The following RLF variants were observed in gnomAD, a reference collection of about 807,000 sequenced individuals.
RLF encodes the protein zinc finger protein Rlf.
A neutral mutation model predicts 162.9 loss-of-function variants in RLF; 7 were observed. That is an observed-to-expected ratio of 0.04 (90% CI 0.02 to 0.08). RLF has a LOEUF of 0.08. Ranked by LOEUF, RLF falls within the 10% of genes least tolerant of loss-of-function variation. The pLI is 1.00. For synonymous variants in RLF, 782 were observed against 791.5 expected (o/e 0.99, Z 0.20); for missense variants, 1,664 against 2,244.7 (o/e 0.74, Z 5.23).
At chr1:40,201,795 G>A (rs1056957373) in intron 4 of RLF, among the ~76,000 whole-genome samples, 1 of 152,046 alleles carries the variant, frequency 6.6e-6, no homozygotes, top group African/African-American at 2.4e-5. Context: ...TGTTTTACAG[G>A]TTACTAATAT....
chr1:40,219,232 A>AT lies in RLF; in HGVS notation c.811-3341dup, dbSNP rs549783355. Among the ~76,000 whole-genome samples, 177 of 152,278 alleles carry AT rather than the reference A, an allele frequency of 1.2e-3. 3 individuals carry two copies. The highest frequency in any genetic ancestry group is 4.1e-3 in the African/African-American group (171 of 41,562). The stretch of plus-strand genomic sequence containing the variant: ...ATTTATTTACTTTTATTTCTTTATC[A>AT]TATCTTTTCCTCTATATTCAAGAAG... On this transcript the variant is annotated intron_variant, in intron 5 of 7. Transcript: ENST00000372771.
At chr1:40,197,745 G>T (rs1214415383) in intron 4 of RLF, among the ~76,000 whole-genome samples, 1 of 152,188 alleles carries the variant, frequency 6.6e-6, no homozygotes, top group Admixed American at 6.5e-5. Flanking sequence ...TTATGTTGAG[G>T]ACCACAGTAT....
chr1:40,238,972 T>C lies in RLF; in HGVS notation c.4270T>C (p.Leu1424=), dbSNP rs569380533. Residue 1424 remains leucine (L), a synonymous_variant, in exon 8 of 8, where the codon TTG becomes CTG. Coordinates refer to ENST00000372771, the MANE Select transcript of RLF (RefSeq NM_012421.4). The surrounding 1 kb of genome is among the most constrained non-coding windows in gnomAD (Gnocchi z 5.2). ...TGCTGTTTTTTATACATTCAACAAG[T>C]TGAAGCACCACTTGATGGAACAGCA... ...CPAVFYTFNK[L]KHHLMEQHNI... 20 of 1,614,182 alleles carry C rather than the reference T, an allele frequency of 1.2e-5. 1 individual carries two copies. The South Asian group carries it at 2.0e-4, about 16-fold the overall frequency.
Position 40,238,536 on chromosome 1 carries a change from T to C in RLF, c.3834T>C (p.His1278=), listed in dbSNP as rs756647100. The change falls in exon 8 of 8, where the codon CAT becomes CAC. Residue 1278 remains histidine, a synonymous_variant. Transcript: ENST00000372771. The surrounding 1 kb of genome is among the most constrained non-coding windows in gnomAD (Gnocchi z 5.2). The part of the protein sequence containing the change: ...TSDISSPIGS[H]REEQEGREGR... ...ACATTTCATCACCAATAGGCAGCCA[T>C]AGAGAAGAACAAGAAGGAAGAGAGG... is the stretch of plus-strand genomic sequence containing the variant. 1 of 1,613,792 alleles carries C rather than the reference T, an allele frequency of 6.2e-7. No homozygotes were observed. The highest frequency in any genetic ancestry group is 2.2e-5 in the East Asian group (1 of 44,880).
chr1:40,237,559 A>C lies in RLF; in HGVS notation c.2857A>C (p.Lys953Gln). ...SSMAVCFDGT[K>Q]FTCGFDGCGS... is the part of the protein sequence containing the mutation. ...TATGGCAGTTTGTTTTGACGGGACTAAGTTTACCTGTGGTTTTGATGGCTG... is the reference window on the plus strand; with the variant it reads ...TATGGCAGTTTGTTTTGACGGGACTCAGTTTACCTGTGGTTTTGATGGCTG... Residue 953 changes from lysine to glutamine, a missense_variant, in exon 8 of 8, where the codon AAG (lysine) becomes CAG (glutamine). Physicochemically the swap from Lys to Gln is moderately conservative, Grantham distance 53 (BLOSUM62 1). This residue lies in a region of RLF where 295 missense variants were observed against 317.4 expected (regional missense o/e 0.93). Transcript: ENST00000372771. This position sits in a 1 kb window ranked among gnomAD's most constrained non-coding sequence, Gnocchi z 4.4. 6.2e-7 allele frequency: 1 copy of C among 1,614,156 alleles called. No homozygotes were observed. The highest frequency in any genetic ancestry group is 2.2e-5 in the East Asian group (1 of 44,876).
chr1:40,230,274 G>T (rs1643136273), intron 6 of RLF, among the ~76,000 whole-genome samples: 1 of 152,186 alleles, frequency 6.6e-6, no homozygotes, highest in Non-Finnish European at 1.5e-5. Context: ...GAGACAGTCT[G>T]TGTTAATAGC....
chr1:40,212,730 A>G (rs74387579), intron 5 of RLF, among the ~76,000 whole-genome samples: 1 of 152,096 alleles, frequency 6.6e-6, no homozygotes. Context: ...TCTTTTCCTG[A>G]TGGGGAAAGG....
intron 5 of RLF, among the ~76,000 whole-genome samples, chr1:40,215,271 G>A (rs775499888): frequency 4.6e-5 from 7 of 152,156 alleles, no homozygotes; most frequent in Non-Finnish European, 1.0e-4. Flanking sequence ...AAACAATACT[G>A]TAAACCAACT....
At chr1:40,235,751 G>A (rs1412192066) in intron 7 of RLF, 41 bp from the exon 8 acceptor site, 2 of 1,402,148 alleles carry the variant, frequency 1.4e-6, no homozygotes, top group Non-Finnish European at 1.9e-6. Context: ...TAATCTTTCT[G>A]TATGCAAAAA....
At chr1:40,225,589 A>G (rs1382414418) in intron 6 of RLF, among the ~76,000 whole-genome samples, 1 of 148,830 alleles carries the variant, frequency 6.7e-6, no homozygotes, top group Admixed American at 6.7e-5. Context: ...AAAAAAAAAA[A>G]AAAAAAGCCG....
intron 6 of RLF, among the ~76,000 whole-genome samples, chr1:40,228,815 G>A (rs941616988): frequency 6.6e-6 from 1 of 152,058 alleles, no homozygotes; most frequent in African/African-American, 2.4e-5. Flanking sequence ...TTATTTGAGA[G>A]AAGATATTAC....
chr1:40,235,395 T>C (rs1643204613), intron 7 of RLF, among the ~76,000 whole-genome samples: 1 of 152,204 alleles, frequency 6.6e-6, no homozygotes, highest in African/African-American at 2.4e-5. Context: ...GACTCACATC[T>C]ATACCTGTGT....
At chr1:40,231,806 C>G (rs1036610754) in intron 7 of RLF, 148 bp downstream of exon 7, 79 of 667,918 alleles carry the variant, frequency 1.2e-4, no homozygotes, top group Admixed American at 3.9e-4. Context: ...GACTGTTTCT[C>G]CAGATTGACT....
intron 1 of RLF, among the ~76,000 whole-genome samples, chr1:40,185,546 C>T (rs1365731059): frequency 2.8e-5 from 2 of 71,320 alleles, no homozygotes; most frequent in South Asian, 6.1e-4. Flanking sequence ...AAAAAAAAGC[C>T]GGGCGCAGTG....
At chr1:40,210,856 T>C (rs954608974) in intron 5 of RLF, among the ~76,000 whole-genome samples, 1 of 152,178 alleles carries the variant, frequency 6.6e-6, no homozygotes, top group Admixed American at 6.5e-5. Flanking sequence ...TCTGGGAAGA[T>C]GATAAGCTTT....
At chr1:40,204,558 C>T (rs1357369089) in intron 5 of RLF, among the ~76,000 whole-genome samples, 4 of 151,936 alleles carry the variant, frequency 2.6e-5, no homozygotes, top group Non-Finnish European at 1.5e-5. Flanking sequence ...AGAAACATGC[C>T]ACCATTCCCG....
At chr1:40,207,090 A>G (rs1642807073) in intron 5 of RLF, among the ~76,000 whole-genome samples, 1 of 152,166 alleles carries the variant, frequency 6.6e-6, no homozygotes, top group African/African-American at 2.4e-5. Flanking sequence ...ATCATATTTG[A>G]TTATTCGGTA....
chr1:40,163,321 G>T (rs1056054191), intron 1 of RLF, among the ~76,000 whole-genome samples: 1 of 152,144 alleles, frequency 6.6e-6, no homozygotes, highest in Non-Finnish European at 1.5e-5. Flanking sequence ...GAAACTAATG[G>T]AAGGAGAGGG....
intron 1 of RLF, among the ~76,000 whole-genome samples, chr1:40,171,640 A>G (rs1170834990): frequency 6.6e-6 from 1 of 152,200 alleles, no homozygotes; most frequent in Non-Finnish European, 1.5e-5. Context: ...GAAACTTAAA[A>G]CAAGATTTAC....
Sources: gnomAD v4.1 joint callset for allele counts (sites outside exome capture counted in the v4.1 genomes callset) on GRCh38, gnomAD v4.1.1 for gene constraint, gnomAD v4.1.1 regional missense constraint, Gnocchi (gnomAD v3.1) non-coding constraint, MANE v1.5 for transcripts, NCBI Gene and HGNC (gene_info 2026-07-23, HGNC 2026-07-21) for gene names.